The following STAG1 variants were observed in gnomAD, a reference collection of about 807,000 sequenced individuals.
STAG1 encodes the protein cohesin subunit SA-1.
In STAG1, 26 loss-of-function variants were observed where a neutral mutation model predicts 170.9. The ratio of observed to expected loss-of-function variants is 0.15; its 90% CI spans 0.11 to 0.21. The LOEUF (loss-of-function observed/expected upper bound fraction) is 0.21, where lower values mean the gene tolerates loss of function less well. Ranked by LOEUF, STAG1 falls within the 10% of genes least tolerant of loss-of-function variation. STAG1 has a pLI of 1.00. For missense variants in STAG1, 964 were observed against 1,509.5 expected (o/e 0.64, Z 5.99); for synonymous variants, 514 against 497.7 (o/e 1.03, Z -0.44).
intron 7 of STAG1, among the ~76,000 whole-genome samples, chr3:136,516,544 T>C (rs1253594749): frequency 6.6e-6 from 1 of 151,546 alleles, no homozygotes; most frequent in Non-Finnish European, 1.5e-5. Flanking sequence ...GAAAAGAAAA[T>C]GCATGCTGTT....
chr3:136,695,436 CAAA>C (rs757572153), intron 1 of STAG1, among the ~76,000 whole-genome samples: 6 of 114,450 alleles, frequency 5.2e-5, no homozygotes, highest in African/African-American at 9.9e-5. Flanking sequence ...GACTCTGTCT[CAAA>C]AAAAAAAAAA....
At chr3:136,737,905 T>C (rs1332172015) in intron 1 of STAG1, among the ~76,000 whole-genome samples, 2 of 151,550 alleles carry the variant, frequency 1.3e-5, no homozygotes, top group Non-Finnish European at 2.9e-5. Flanking sequence ...CCGTCTCTAC[T>C]AAAAATACAA....
chr3:136,465,125 G>T, intron 12 of STAG1, 137 bp from the exon 13 acceptor site: 1 of 528,850 alleles, frequency 1.9e-6, no homozygotes, highest in Non-Finnish European at 3.2e-6. Context: ...TACTTTGAAA[G>T]TAATGTTTCC....
Position 136,340,481 on chromosome 3 carries a change from A to G in STAG1, c.3672+10T>C. 1 of 1,560,078 alleles carries G rather than the reference A, an allele frequency of 6.4e-7. No individual in the cohort carries two copies. The highest frequency in any genetic ancestry group is 8.8e-7 in the Non-Finnish European group (1 of 1,131,258). On this transcript the variant is annotated intron_variant, in intron 32 of 33. Coordinates refer to ENST00000383202, the MANE Select transcript of STAG1 (RefSeq NM_005862.3). ...TTTTAACAAAAGAAAAATATAGTGAATTTCTCTACCAGATCAATAACCATG... is the reference window on the plus strand; with the variant it reads ...TTTTAACAAAAGAAAAATATAGTGAGTTTCTCTACCAGATCAATAACCATG...
At chr3:136,418,128 C>T (rs1273227515) in intron 20 of STAG1, among the ~76,000 whole-genome samples, 156 bp from the exon 21 acceptor site, 1 of 151,928 alleles carries the variant, frequency 6.6e-6, no homozygotes, top group East Asian at 1.9e-4. Flanking sequence ...CCGCGGCTGG[C>T]AAATCACTTG....
chr3:136,339,601 G>A (rs1576369105), intron 32 of STAG1, among the ~76,000 whole-genome samples: 1 of 152,050 alleles, frequency 6.6e-6, no homozygotes, highest in Admixed American at 6.6e-5. Context: ...CACAGAAAAA[G>A]CAGCATGATT....
In STAG1 at chr3:136,533,809, A is replaced by G. The variant is rs187121479; in HGVS notation, c.471+8310T>C. 3.3e-5 allele frequency among the ~76,000 whole-genome samples: 5 copies of G among 152,360 alleles called. No homozygotes were observed. In the East Asian group the frequency reaches 5.8e-4, roughly 18 times the overall value. On this transcript the variant is annotated intron_variant, in intron 6 of 33. Transcript: ENST00000383202. ...CCATATCAATGACCATACTGTCAAAAGCAATATACAAATTCAATGTAATCC... is the reference window on the plus strand; with the variant it reads ...CCATATCAATGACCATACTGTCAAAGGCAATATACAAATTCAATGTAATCC...
At position 136,653,777 on chromosome 3, in the gene STAG1, T is replaced by C. The variant is rs58038307; in HGVS notation, c.-83-22796A>G. ...GTTGTCAAACTGAATCCAGAGCATA[T>C]AAAAGGATTATACACCATGACCAAG... On this transcript the variant is annotated intron_variant, in intron 1 of 33. Transcript: ENST00000383202. 3.8e-4 allele frequency among the ~76,000 whole-genome samples: 58 copies of C among 152,212 alleles called. No individual in the cohort carries two copies. The East Asian group carries it at 0.011, about 29-fold the overall frequency.
chr3:136,695,361 T>A (rs1281836313), intron 1 of STAG1, among the ~76,000 whole-genome samples: 2 of 150,716 alleles, frequency 1.3e-5, no homozygotes, highest in African/African-American at 2.4e-5. Flanking sequence ...CACTTGAAAC[T>A]GGGAGGTGGA....
intron 14 of STAG1, among the ~76,000 whole-genome samples, chr3:136,444,845 T>C: frequency 6.6e-6 from 1 of 152,116 alleles, no homozygotes; most frequent in Admixed American, 6.6e-5. Context: ...CTATAATCAC[T>C]CTTAACTTCA....
intron 16 of STAG1, among the ~76,000 whole-genome samples, chr3:136,423,439 C>T (rs529476590): frequency 3.3e-5 from 5 of 152,162 alleles, no homozygotes; most frequent in African/African-American, 9.7e-5. Flanking sequence ...CAGAAGCTAA[C>T]ACATTCTCAC....
At chr3:136,509,934 G>C (rs1377306091) in intron 7 of STAG1, among the ~76,000 whole-genome samples, 1 of 152,114 alleles carries the variant, frequency 6.6e-6, no homozygotes, top group African/African-American at 2.4e-5. Context: ...TAAAGAGAGA[G>C]GTGATTATAG....
intron 2 of STAG1, among the ~76,000 whole-genome samples, chr3:136,626,359 T>C (rs981073819): frequency 6.8e-6 from 1 of 146,286 alleles, no homozygotes; most frequent in Non-Finnish European, 1.5e-5. Context: ...CCACGAGGCG[T>C]AGGTTGGCCG....
intron 11 of STAG1, 41 bp downstream of exon 11, chr3:136,473,498 A>G (rs944278404): frequency 6.9e-7 from 1 of 1,449,536 alleles, no homozygotes; most frequent in Middle Eastern, 1.8e-4. Context: ...TAGCATTTGT[A>G]AAGAGAAAAA....
At chr3:136,646,056 T>A (rs1390871890) in intron 1 of STAG1, among the ~76,000 whole-genome samples, 2 of 152,188 alleles carry the variant, frequency 1.3e-5, no homozygotes, top group Non-Finnish European at 2.9e-5. Context: ...CATTCACAGC[T>A]TTCTCATGCT....
intron 1 of STAG1, among the ~76,000 whole-genome samples, chr3:136,731,980 T>C (rs1934068133): frequency 6.6e-6 from 1 of 152,118 alleles, no homozygotes; most frequent in Admixed American, 6.6e-5. Context: ...AAAACTGCAT[T>C]ACCTGATAAA....
intron 23 of STAG1, among the ~76,000 whole-genome samples, chr3:136,370,588 C>T (rs982792176): frequency 6.6e-6 from 1 of 152,146 alleles, no homozygotes; most frequent in Non-Finnish European, 1.5e-5. Flanking sequence ...TCAATTCCCA[C>T]CTATGAGTGA....
chr3:136,423,848 T>A (rs552023224), intron 16 of STAG1, among the ~76,000 whole-genome samples: 1 of 152,106 alleles, frequency 6.6e-6, no homozygotes, highest in South Asian at 2.1e-4. Context: ...ATTTGATTGT[T>A]CAGTCTTTTT....
chr3:136,687,775 C>T (rs1443881163), intron 1 of STAG1, among the ~76,000 whole-genome samples: 2 of 148,278 alleles, frequency 1.3e-5, no homozygotes, highest in African/African-American at 5.0e-5. Flanking sequence ...CTCCCTTTGT[C>T]GCCCAGGCTA....
Sources: allele counts gnomAD v4.1 joint callset (sites outside exome capture counted in the v4.1 genomes callset), GRCh38; gene constraint gnomAD v4.1.1; transcripts MANE v1.5; gene names NCBI Gene and HGNC (gene_info 2026-07-23, HGNC 2026-07-21).